Variants in AGBL1 observed in about 807,000 individuals in gnomAD.
The protein encoded by AGBL1 is AGBL carboxypeptidase 1, also known as cytosolic carboxypeptidase 4.
A neutral mutation model predicts 118.9 loss-of-function variants in AGBL1; 130 were observed. The ratio of observed to expected loss-of-function variants is 1.09; its 90% CI spans 0.95 to 1.26. The LOEUF is 1.26. Among genes scored for constraint, AGBL1 ranks in the 50% most tolerant of loss-of-function variants. The pLI is 0.00. For missense variants in AGBL1, 1,584 were observed against 1,298.1 expected, an observed-to-expected ratio of 1.22 and a Z score of -3.38; for synonymous variants, 555 against 478.9, an observed-to-expected ratio of 1.16 and a Z score of -2.08.
intron 21 of AGBL1, among the ~76,000 whole-genome samples, chr15:86,595,569 T>C (rs1048977056): frequency 3.3e-5 from 5 of 152,172 alleles, no homozygotes; most frequent in Admixed American, 2.6e-4. Flanking sequence ...AACTATTATC[T>C]CCTCTCACCC....
chr15:86,838,514 T>G (rs1281172357), intron 22 of AGBL1, among the ~76,000 whole-genome samples: 1 of 152,180 alleles, frequency 6.6e-6, no homozygotes, highest in Non-Finnish European at 1.5e-5. Flanking sequence ...CTGTCCGTGG[T>G]GACATTATCT....
chr15:86,397,649 G>A (rs1009389932), intron 18 of AGBL1, 103 bp downstream of exon 18: 37 of 1,067,418 alleles, frequency 3.5e-5, no homozygotes, highest in South Asian at 3.6e-5. Flanking sequence ...GTACTCTGTC[G>A]AGAATAAACT....
In AGBL1 at chr15:86,662,123, G is replaced by C. The variant is rs571306468; in HGVS notation, c.2995-12150G>C. 1.3e-3 allele frequency among the ~76,000 whole-genome samples: 194 copies of C among 152,264 alleles called. 1 individual carries two copies. Among genetic ancestry groups the C allele is most frequent in the African/African-American group, 4.6e-3 (191 of 41,556 alleles). On this transcript the variant is annotated intron_variant, in intron 21 of 22. Coordinates refer to ENST00000614907, the MANE Select transcript of AGBL1 (RefSeq NM_001386094.1). ...AAATTGGAGAAAAATAAAGATTTCAGCTGGAAAAAGAGAAGCAAAACTAAG... is the reference window on the plus strand; with the variant it reads ...AAATTGGAGAAAAATAAAGATTTCACCTGGAAAAAGAGAAGCAAAACTAAG...
chr15:86,092,930 C>G (rs923727714), intron 1 of AGBL1, among the ~76,000 whole-genome samples: 7 of 152,160 alleles, frequency 4.6e-5, no homozygotes, highest in Non-Finnish European at 8.8e-5. Context: ...GGTTCTATCC[C>G]TTAATACAAT....
At chr15:86,209,676 C>G (rs976069457) in intron 5 of AGBL1, among the ~76,000 whole-genome samples, 7 of 152,044 alleles carry the variant, frequency 4.6e-5, no homozygotes, top group Non-Finnish European at 1.0e-4. Context: ...GGTAGATCTT[C>G]TTCCATCCCT....
intron 22 of AGBL1, among the ~76,000 whole-genome samples, chr15:86,679,890 G>A (rs931683342): frequency 1.3e-5 from 2 of 152,086 alleles, no homozygotes; most frequent in Admixed American, 1.3e-4. Context: ...GTATCTGGCT[G>A]TGATCTGAAA....
chr15:86,827,308 TATATATATACACAC>T (rs2079025781), intron 22 of AGBL1, among the ~76,000 whole-genome samples: 1 of 13,058 alleles, frequency 7.7e-5, no homozygotes, highest in Non-Finnish European at 1.1e-4. Flanking sequence ...TATATGTATA[TATATATATACACAC>T]ACATATATAT....
chr15:86,842,954 G>C (rs567944444), intron 22 of AGBL1, among the ~76,000 whole-genome samples: 367 of 152,186 alleles, frequency 2.4e-3, no homozygotes, highest in African/African-American at 8.1e-3. Context: ...GAAAATGCTT[G>C]CAACTCCTCC....
chr15:86,254,904 G>C (rs1025475975), intron 7 of AGBL1, among the ~76,000 whole-genome samples: 6 of 152,174 alleles, frequency 3.9e-5, no homozygotes, highest in African/African-American at 9.7e-5. Context: ...CAGTGCAGCA[G>C]ACAGCAAATA....
At chr15:86,690,156 A>G (rs984993611) in intron 22 of AGBL1, among the ~76,000 whole-genome samples, 1 of 152,162 alleles carries the variant, frequency 6.6e-6, no homozygotes, top group Non-Finnish European at 1.5e-5. Flanking sequence ...GAATGTTATA[A>G]GAAATAGGTA....
chr15:86,924,813 C>A (rs550222922), intron 23 of AGBL1, among the ~76,000 whole-genome samples: 1 of 152,226 alleles, frequency 6.6e-6, no homozygotes, highest in South Asian at 2.1e-4. Flanking sequence ...CGGTAACTCA[C>A]ACCTGTAATC....
chr15:86,791,360 C>T (rs899995134), intron 22 of AGBL1, among the ~76,000 whole-genome samples: 2 of 152,162 alleles, frequency 1.3e-5, no homozygotes, highest in East Asian at 3.8e-4. Flanking sequence ...TGAGTTTTCA[C>T]TTTTGCCTGT....
intron 23 of AGBL1, among the ~76,000 whole-genome samples, chr15:86,968,641 C>A (rs75538296): frequency 2.2e-4 from 33 of 152,044 alleles, no homozygotes; most frequent in Non-Finnish European, 4.1e-4. Context: ...CAGACTCAAT[C>A]AACTCTTCAG....
At chr15:86,694,160 CA>C (rs2086217309) in intron 22 of AGBL1, among the ~76,000 whole-genome samples, 1 of 151,954 alleles carries the variant, frequency 6.6e-6, no homozygotes, top group East Asian at 1.9e-4. Context: ...GTGGGAATTG[CA>C]TTGAATTTGT....
intron 1 of AGBL1, among the ~76,000 whole-genome samples, chr15:86,127,412 G>A (rs1042775553): frequency 6.6e-6 from 1 of 152,156 alleles, no homozygotes; most frequent in Admixed American, 6.5e-5. Context: ...TTGGAAAATT[G>A]CCTTCTGTTG....
intron 23 of AGBL1, among the ~76,000 whole-genome samples, chr15:86,928,694 C>A (rs2080573440): frequency 6.6e-6 from 1 of 152,034 alleles, no homozygotes; most frequent in African/African-American, 2.4e-5. Context: ...TTTGAATGTG[C>A]CCCTCTGCCT....
At chr15:86,583,221 T>G (rs561743652) in intron 21 of AGBL1, among the ~76,000 whole-genome samples, 1 of 152,122 alleles carries the variant, frequency 6.6e-6, no homozygotes, top group Non-Finnish European at 1.5e-5. Context: ...TTGAGTATAT[T>G]GAGTGATGCT....
chr15:86,573,244 T>C (rs2084035681), intron 21 of AGBL1, among the ~76,000 whole-genome samples: 1 of 152,242 alleles, frequency 6.6e-6, no homozygotes, highest in Non-Finnish European at 1.5e-5. Flanking sequence ...GCATTATCCA[T>C]TCAAGAAACG....
At chr15:86,646,638 A>G (rs2085283498) in intron 21 of AGBL1, among the ~76,000 whole-genome samples, 1 of 152,066 alleles carries the variant, frequency 6.6e-6, no homozygotes, top group African/African-American at 2.4e-5. Context: ...CTGCCCCACT[A>G]TAAATAACTT....
Sources: allele counts gnomAD v4.1 joint callset (sites outside exome capture counted in the v4.1 genomes callset), GRCh38; gene constraint gnomAD v4.1.1; transcripts MANE v1.5; gene names NCBI Gene and HGNC (gene_info 2026-07-23, HGNC 2026-07-21).